The following ZC3H12B variants were observed in gnomAD, a reference collection of about 807,000 sequenced individuals.
ZC3H12B encodes zinc finger CCCH-type containing 12B.
ZC3H12B carries 7 observed loss-of-function variants against 43.9 expected under a neutral mutation model. The observed-to-expected ratio is 0.16, with a 90% CI of 0.09 to 0.30. ZC3H12B has a LOEUF of 0.30. ZC3H12B is among the 10% of genes least tolerant of loss of function. The probability of loss-of-function intolerance (pLI) is 1.00; values close to 1 mark genes in which losing one functional copy is unlikely to be tolerated. For synonymous variants in ZC3H12B, 222 were observed against 241.7 expected (o/e 0.92, Z 0.76); for missense variants, 475 against 670.2 (o/e 0.71, Z 3.22).
the ZC3H12B span, chrX:65,328,452 G>A: frequency 3.8e-6 from 1 of 263,671 alleles, no homozygotes; most frequent in Non-Finnish European, 7.5e-6. Flanking sequence ...TCACCAACTA[G>A]CCATAGTTTT....
chrX:65,464,457 G>A (rs1202561737), intron 3 of ZC3H12B, among the ~76,000 whole-genome samples: 3 of 110,711 alleles, frequency 2.7e-5, no homozygotes, highest in Non-Finnish European at 5.7e-5. Flanking sequence ...ATTTCTGTAA[G>A]TTCAGCAGTA....
chrX:65,382,686 T>C (rs984652493), intron 2 of ZC3H12B, among the ~76,000 whole-genome samples: 7 of 111,598 alleles, frequency 6.3e-5, no homozygotes, highest in Non-Finnish European at 1.1e-4. Context: ...GATGACATGA[T>C]TGTATATCTA....
At chrX:65,152,169 C>T in the ZC3H12B span, among the ~76,000 whole-genome samples, 1 of 111,521 alleles carries the variant, frequency 9.0e-6, no homozygotes, top group South Asian at 3.7e-4. Context: ...TGAAAACTGG[C>T]ACAAGACAGG....
the ZC3H12B span, among the ~76,000 whole-genome samples, chrX:65,094,622 A>G: frequency 8.9e-6 from 1 of 112,435 alleles, no homozygotes; most frequent in Non-Finnish European, 1.9e-5. Flanking sequence ...AGCACAAATT[A>G]TGGCAGTGGT....
chrX:65,156,700 G>T, the ZC3H12B span, among the ~76,000 whole-genome samples: 1 of 110,444 alleles, frequency 9.1e-6, no homozygotes, highest in Non-Finnish European at 1.9e-5. Flanking sequence ...ACTTTTTGTA[G>T]AGACAGGATC....
At chrX:65,099,722 C>G in the ZC3H12B span, among the ~76,000 whole-genome samples, 571 of 111,433 alleles carry the variant, frequency 5.1e-3, 2 homozygotes, top group African/African-American at 0.016. Context: ...GAAACCCCAT[C>G]CAAAGGTCAT....
rs149933064 is a variant in ZC3H12B at position 65,409,556 on chromosome X, C to CCACA, written n.407+10891_407+10894dup. On this transcript the variant is annotated intron_variant and non_coding_transcript_variant, in intron 3 of 5. Transcript: ENST00000617377. ...ATATATTTGGAAAAACCTAAAGACT[C>CCACA]CACACACACACACACACACACACAC... is the stretch of plus-strand genomic sequence containing the variant. Among the ~76,000 whole-genome samples, 317 of 87,655 alleles carry CCACA rather than the reference C, an allele frequency of 3.6e-3. 1 individual carries two copies. Among genetic ancestry groups the CCACA allele is most frequent in the African/African-American group, 0.01 (247 of 24,522 alleles). The allele number at this position is 87,655 out of a possible 115,157, so 76.1% of individuals were successfully genotyped here.
chrX:65,183,608 G>A, the ZC3H12B span, among the ~76,000 whole-genome samples: 5 of 111,623 alleles, frequency 4.5e-5, no homozygotes, highest in South Asian at 1.9e-3. Context: ...TGGAATCAAC[G>A]TTACACTTGG....
At chrX:65,308,544 C>T in the ZC3H12B span, among the ~76,000 whole-genome samples, 2 of 111,526 alleles carry the variant, frequency 1.8e-5, no homozygotes, top group Middle Eastern at 4.6e-3. Context: ...TAATGGGAGA[C>T]TTTAGCACCC....
chrX:65,437,341 C>A (rs978919924), intron 3 of ZC3H12B, among the ~76,000 whole-genome samples: 6 of 112,072 alleles, frequency 5.4e-5, no homozygotes, highest in Non-Finnish European at 1.1e-4. Flanking sequence ...TTCTACCCTC[C>A]ATCTCCATGA....
At chrX:65,330,307 G>T in the ZC3H12B span, among the ~76,000 whole-genome samples, 3 of 111,670 alleles carry the variant, frequency 2.7e-5, no homozygotes, top group African/African-American at 9.8e-5. Flanking sequence ...ACTTTGGGCT[G>T]AGACAGTGGG....
chrX:65,106,311 AGAG>A, the ZC3H12B span, among the ~76,000 whole-genome samples: 1 of 112,086 alleles, frequency 8.9e-6, no homozygotes, highest in African/African-American at 3.2e-5. Context: ...AGATAAGTAG[AGAG>A]GAGCGTGGAG....
the ZC3H12B span, among the ~76,000 whole-genome samples, chrX:65,202,497 T>G: frequency 1.8e-5 from 2 of 109,953 alleles, no homozygotes. Flanking sequence ...GATTACAGCC[T>G]TGGTGGTCTT....
the ZC3H12B span, among the ~76,000 whole-genome samples, chrX:65,206,152 A>C: frequency 8.9e-6 from 1 of 111,942 alleles, no homozygotes; most frequent in Non-Finnish European, 1.9e-5. Context: ...ACACAGCTAG[A>C]AAATAATCAT....
intron 3 of ZC3H12B, among the ~76,000 whole-genome samples, chrX:65,455,007 TA>T: frequency 9.0e-6 from 1 of 111,386 alleles, no homozygotes; most frequent in African/African-American, 3.3e-5. Context: ...CCAAAGTAGA[TA>T]AAACCACAAA....
At chrX:65,411,986 T>C (rs1033226053) in intron 3 of ZC3H12B, among the ~76,000 whole-genome samples, 4 of 111,063 alleles carry the variant, frequency 3.6e-5, no homozygotes, top group African/African-American at 1.3e-4. Context: ...AATTAACTTA[T>C]TGAGGTGAAA....
At chrX:65,152,567 G>A in the ZC3H12B span, among the ~76,000 whole-genome samples, 1 of 110,972 alleles carries the variant, frequency 9.0e-6, no homozygotes, top group Non-Finnish European at 1.9e-5. Flanking sequence ...ACAAACCACT[G>A]CTCAATGAAA....
At chrX:65,472,969 T>TGTG (rs2067942939) in intron 3 of ZC3H12B, among the ~76,000 whole-genome samples, 1 of 79,974 alleles carries the variant, frequency 1.3e-5, no homozygotes, top group Non-Finnish European at 2.1e-5. Flanking sequence ...TGTATGTGTA[T>TGTG]GTGTGTGTAT....
chrX:65,500,728 C>CCCTTT (rs2068354301), intron 4 of ZC3H12B, among the ~76,000 whole-genome samples: 1 of 110,050 alleles, frequency 9.1e-6, no homozygotes, highest in Non-Finnish European at 1.9e-5. Flanking sequence ...CGTGCCCGGC[C>CCCTTT]CCTTTCCAGT....
Sources: allele counts gnomAD v4.1 joint callset (sites outside exome capture counted in the v4.1 genomes callset), GRCh38; gene constraint gnomAD v4.1.1; transcripts MANE v1.5; gene names NCBI Gene and HGNC (gene_info 2026-07-23, HGNC 2026-07-21).